Variants in PACS1 observed in about 807,000 individuals in gnomAD.
The protein encoded by PACS1 is phosphofurin acidic cluster sorting protein 1, also known as PACS-1.
PACS1 carries 24 observed loss-of-function variants against 115.0 expected under a neutral mutation model. The observed-to-expected ratio is 0.21, with a 90% CI of 0.15 to 0.29. The LOEUF is 0.29. Ranked by LOEUF, PACS1 falls within the 10% of genes least tolerant of loss-of-function variation. PACS1 has a pLI of 1.00. For missense variants in PACS1, 838 were observed against 1,251.2 expected (o/e 0.67, Z 4.98); for synonymous variants, 453 against 504.5 (o/e 0.90, Z 1.37).
At chr11:66,199,269 C>T (rs923965847) in intron 2 of PACS1, among the ~76,000 whole-genome samples, 26 of 149,742 alleles carry the variant, frequency 1.7e-4, no homozygotes, top group Admixed American at 4.7e-4. Context: ...GAGCCGAGAT[C>T]GCACCACTGC....
chr11:66,151,666 A>T lies in PACS1; in HGVS notation c.357-41820A>T, dbSNP rs1859243580. On this transcript the variant is annotated intron_variant, in intron 1 of 23. Coordinates refer to ENST00000320580, the MANE Select transcript of PACS1 (RefSeq NM_018026.4). Reference sequence around the variant, plus strand: ...GAATCCAGAGTTGCTATAACATCTTATCTACAATGCCAAGTTTTCAATCTA... The same window carrying T: ...GAATCCAGAGTTGCTATAACATCTTTTCTACAATGCCAAGTTTTCAATCTA... Among the ~76,000 whole-genome samples the T allele has an allele frequency of 1.3e-5, 2 of 152,240 alleles. 1 individual carries two copies. The highest frequency in any genetic ancestry group is 4.1e-4 in the South Asian group (2 of 4,834).
In PACS1 at chr11:66,140,602, A is replaced by G. The variant is rs144256124; in HGVS notation, c.357-52884A>G. Among the ~76,000 whole-genome samples, 3 of 152,284 alleles carry G rather than the reference A, an allele frequency of 2.0e-5. No homozygotes were observed. In the East Asian group the frequency reaches 5.8e-4, roughly 29 times the overall value. ...TTACAAGGTTCAAAATTCAAAAGAT[A>G]TAGAAGGAGATACACAGCGAGTAGT... On this transcript the variant is annotated intron_variant, in intron 1 of 23. Transcript: ENST00000320580.
chr11:66,081,436 AAAAC>A (rs1381808997), intron 1 of PACS1, among the ~76,000 whole-genome samples: 1 of 142,332 alleles, frequency 7.0e-6, no homozygotes, highest in African/African-American at 2.5e-5. Flanking sequence ...CAACCAAAAC[AAAAC>A]AAACAAAACA....
intron 1 of PACS1, among the ~76,000 whole-genome samples, chr11:66,131,622 G>A (rs1233413518): frequency 6.6e-6 from 1 of 151,874 alleles, no homozygotes; most frequent in Non-Finnish European, 1.5e-5. Context: ...GCTTTTTGAT[G>A]TCTTACTTAA....
intron 1 of PACS1, among the ~76,000 whole-genome samples, chr11:66,183,121 C>A (rs1289502429): frequency 6.6e-6 from 1 of 151,944 alleles, no homozygotes; most frequent in Non-Finnish European, 1.5e-5. Flanking sequence ...CAGAGTGAGA[C>A]CCTGTCTCAA....
At position 66,236,090 on chromosome 11, in the gene PACS1, G is replaced by A. The variant is rs924137730; in HGVS notation, c.2250+150G>A. On this transcript the variant is annotated intron_variant, in intron 19 of 23. Coordinates refer to ENST00000320580, the MANE Select transcript of PACS1 (RefSeq NM_018026.4). The surrounding 1 kb of genome is among the most constrained non-coding windows in gnomAD (Gnocchi z 4.2). ...CAGGGACTACCTGGCAGTGTCTGGA[G>A]ACGTGTTTGGTTGTTATACGGGGGG... 4.5e-5 allele frequency: 35 copies of A among 770,314 alleles called. No individual in the cohort carries two copies. The highest frequency in any genetic ancestry group is 7.6e-5 in the Non-Finnish European group (33 of 432,034). 47.7% of individuals were successfully genotyped at this position (770,314 alleles called of 1,614,324 possible).
intron 19 of PACS1, among the ~76,000 whole-genome samples, chr11:66,237,004 C>T (rs760191695): frequency 1.3e-5 from 2 of 151,956 alleles, no homozygotes; most frequent in East Asian, 1.9e-4. Flanking sequence ...CTGCAACCTC[C>T]GCCTCCCAGG....
chr11:66,183,861 G>C (rs1202090044), intron 1 of PACS1, among the ~76,000 whole-genome samples: 1 of 152,148 alleles, frequency 6.6e-6, no homozygotes, highest in Non-Finnish European at 1.5e-5. Context: ...TCTAGAAAAG[G>C]GGTGGTAACC....
chr11:66,074,200 T>C (rs777379270), intron 1 of PACS1, among the ~76,000 whole-genome samples: 1 of 152,136 alleles, frequency 6.6e-6, no homozygotes, highest in Non-Finnish European at 1.5e-5. Context: ...GTAATCACTG[T>C]GAAATACAGT....
chr11:66,239,305 C>T, intron 21 of PACS1, 28 bp downstream of exon 21: 1 of 1,591,388 alleles, frequency 6.3e-7, no homozygotes, highest in Non-Finnish European at 8.6e-7. Flanking sequence ...ACCTGTCCTG[C>T]CATGCCCTCC....
At chr11:66,210,011 G>A (rs1855033156) in intron 2 of PACS1, among the ~76,000 whole-genome samples, 1 of 151,460 alleles carries the variant, frequency 6.6e-6, no homozygotes, top group Non-Finnish European at 1.5e-5. Context: ...ACACAGCTTT[G>A]ACAGATTTTT....
intron 1 of PACS1, among the ~76,000 whole-genome samples, chr11:66,117,729 C>A (rs1306864428): frequency 6.6e-6 from 1 of 151,888 alleles, no homozygotes; most frequent in Admixed American, 6.6e-5. Flanking sequence ...GCCTGTAATT[C>A]CAGCTACTTG....
chr11:66,150,709 T>A (rs926930782), intron 1 of PACS1, among the ~76,000 whole-genome samples: 4 of 152,312 alleles, frequency 2.6e-5, no homozygotes, highest in African/African-American at 9.6e-5. Context: ...TCTGTTGGAT[T>A]AGAGGAAATT....
At chr11:66,234,313 G>A in intron 17 of PACS1, 71 bp downstream of exon 17, 1 of 971,516 alleles carries the variant, frequency 1.0e-6, no homozygotes. Flanking sequence ...TGCAGAAGGA[G>A]GCTGAGGTCA....
intron 1 of PACS1, among the ~76,000 whole-genome samples, chr11:66,112,893 A>G (rs961593955): frequency 1.3e-5 from 2 of 152,238 alleles, no homozygotes; most frequent in Non-Finnish European, 2.9e-5. Context: ...AGAATGATAC[A>G]TGGTGGAATA....
At chr11:66,241,369 C>T in intron 21 of PACS1, 58 bp from the exon 22 acceptor site, 1 of 1,349,734 alleles carries the variant, frequency 7.4e-7, no homozygotes, top group Non-Finnish European at 1.0e-6. Context: ...CCCATCAGGC[C>T]TATGTAGTTG....
intron 1 of PACS1, among the ~76,000 whole-genome samples, chr11:66,169,336 G>A (rs1859683305): frequency 6.7e-6 from 1 of 150,302 alleles, no homozygotes; most frequent in South Asian, 2.1e-4. Flanking sequence ...GAAGATTACA[G>A]GCATTGGTTT....
At chr11:66,078,535 G>A (rs998192105) in intron 1 of PACS1, among the ~76,000 whole-genome samples, 1 of 152,130 alleles carries the variant, frequency 6.6e-6, no homozygotes, top group African/African-American at 2.4e-5. Context: ...TGTCTCTGAA[G>A]GATTTTAGAC....
In PACS1 at chr11:66,243,781, T is replaced by C. The variant is rs943962466; in HGVS notation, c.*501T>C. 3.2e-5 allele frequency: 5 copies of C among 157,618 alleles called. No homozygotes were observed. The highest frequency in any genetic ancestry group is 1.9e-4 in the East Asian group (1 of 5,328). 9.8% of individuals were successfully genotyped at this position (157,618 alleles called of 1,614,324 possible). On this transcript the variant is annotated 3_prime_UTR_variant, in exon 24 of 24. Transcript: ENST00000320580. Reference sequence around the variant, plus strand: ...GACCCAAGGCCACTTTCAACTCTTATGGGGTTCTCCACCTGCCCCAGAGCT... The same window carrying C: ...GACCCAAGGCCACTTTCAACTCTTACGGGGTTCTCCACCTGCCCCAGAGCT...
Sources: allele counts gnomAD v4.1 joint callset (sites outside exome capture counted in the v4.1 genomes callset), GRCh38; gene constraint gnomAD v4.1.1; non-coding constraint Gnocchi (gnomAD v3.1); transcripts MANE v1.5; gene names NCBI Gene and HGNC (gene_info 2026-07-23, HGNC 2026-07-21).